Variants in TARBP1 observed in about 807,000 individuals in gnomAD.
TARBP1 encodes the protein tRNA (guanosine(18)-2'-O)-methyltransferase TARBP1.
In TARBP1, 144 loss-of-function variants were observed where a neutral mutation model predicts 178.6. The observed-to-expected ratio is 0.81, with a 90% CI of 0.70 to 0.93. TARBP1 has a LOEUF of 0.93. Among genes scored for constraint, TARBP1 ranks in the 40% least tolerant of loss-of-function variants. TARBP1 has a pLI of 0.00. For synonymous variants in TARBP1, 787 were observed against 781.0 expected (o/e 1.01, Z -0.13); for missense variants, 2,067 against 2,011.7 (o/e 1.03, Z -0.53).
chr1:234,468,905 T>C (rs1040305946), intron 3 of TARBP1, among the ~76,000 whole-genome samples: 3 of 151,766 alleles, frequency 2.0e-5, no homozygotes, highest in Admixed American at 1.3e-4. Context: ...CTTGAGTCCA[T>C]TTCATCAGCC....
Position 234,451,763 on chromosome 1 carries a change from A to AC in TARBP1, c.1723-1198_1723-1197insG, listed in dbSNP as rs1407432640. ...GACTCCGTCTCAAAAAAAAAAAAAAAAAATGATGAATGACTGGATCATCGA... is the reference window on the plus strand; with the variant it reads ...GACTCCGTCTCAAAAAAAAAAAAAAACAAATGATGAATGACTGGATCATCGA... On this transcript the variant is annotated intron_variant, in intron 9 of 29. Coordinates refer to ENST00000040877, the MANE Select transcript of TARBP1 (RefSeq NM_005646.4). Among the ~76,000 whole-genome samples the AC allele has an allele frequency of 5.5e-5, 8 of 145,912 alleles. 4 individuals carry two copies. Among genetic ancestry groups the AC allele is most frequent in the South Asian group, 4.6e-4 (2 of 4,392 alleles).
chr1:234,396,978 G>A (rs1057005503), intron 26 of TARBP1, among the ~76,000 whole-genome samples: 4 of 151,552 alleles, frequency 2.6e-5, no homozygotes, highest in Admixed American at 2.6e-4. Flanking sequence ...TGCAATCTGA[G>A]GGCAGCGTCC....
Position 234,472,765 on chromosome 1 carries a change from T to C in TARBP1, c.978A>G (p.Leu326=), listed in dbSNP as rs375606143. The C allele has an allele frequency of 4.9e-5, 78 of 1,604,670 alleles. No individual in the cohort carries two copies. The South Asian group carries it at 5.2e-4, about 11-fold the overall frequency. ...TTAAAATATAATTTTCCCAAAACTT[T>C]AGAAGCTCATCTTTTTTCCTCTCAG... is the stretch of plus-strand genomic sequence containing the variant. ...WWSERKKDEL[L]KFWENYILIM... Residue 326 remains leucine, a synonymous_variant, in exon 2 of 30, where the codon CTA becomes CTG. Coordinates refer to ENST00000040877, the MANE Select transcript of TARBP1 (RefSeq NM_005646.4).
intron 20 of TARBP1, 127 bp downstream of exon 20, chr1:234,425,546 C>A: frequency 9.6e-7 from 1 of 1,037,924 alleles, no homozygotes; most frequent in Admixed American, 2.7e-5. Context: ...ATTAAAAATA[C>A]AGAACATAAA....
At chr1:234,460,112 T>G (rs936114183) in intron 7 of TARBP1, 149 bp downstream of exon 7, 24 of 877,296 alleles carry the variant, frequency 2.7e-5, no homozygotes, top group Non-Finnish European at 3.5e-5. Context: ...TTTTTTAATT[T>G]TTTTCTTATG....
Position 234,425,807 on chromosome 1 carries a change from A to G in TARBP1, c.3324-14T>C. 3.3e-6 allele frequency: 5 copies of G among 1,505,160 alleles called. No homozygotes were observed. The highest frequency in any genetic ancestry group is 4.5e-6 in the Non-Finnish European group (5 of 1,103,546). 93.2% of individuals were successfully genotyped at this position (1,505,160 alleles called of 1,614,324 possible). A position where few individuals can be genotyped will look rare whatever the true frequency, so the allele number is the denominator to read the frequency against. ...TCTCTCTTAGTACTAAAAAAATTAA[A>G]TGATAAATTATGTTAATACATTTTG... On this transcript the variant is annotated splice_polypyrimidine_tract_variant and intron_variant, in intron 19 of 29. Coordinates refer to ENST00000040877, the MANE Select transcript of TARBP1 (RefSeq NM_005646.4).
chr1:234,463,771 ATT>A (rs1315197664), intron 6 of TARBP1, 64 bp downstream of exon 6: 6 of 915,964 alleles, frequency 6.6e-6, no homozygotes, highest in Non-Finnish European at 9.4e-6. Context: ...CTTATAACCA[ATT>A]TGCTAAAAAA....
intron 14 of TARBP1, among the ~76,000 whole-genome samples, chr1:234,432,070 A>G (rs2103137086): frequency 6.7e-6 from 1 of 149,874 alleles, no homozygotes; most frequent in African/African-American, 2.5e-5. Flanking sequence ...CTGGGGGGCC[A>G]AGGTTGCAGT....
intron 1 of TARBP1, among the ~76,000 whole-genome samples, chr1:234,474,817 A>G (rs1420523954): frequency 1.3e-5 from 2 of 152,222 alleles, no homozygotes; most frequent in Non-Finnish European, 2.9e-5. Context: ...AAACCATAGG[A>G]GATCGTTATT....
At chr1:234,398,358 A>C (rs756857516) in intron 26 of TARBP1, 24 bp downstream of exon 26, 1 of 1,554,840 alleles carries the variant, frequency 6.4e-7, no homozygotes, top group African/African-American at 1.4e-5. Flanking sequence ...AAGGGGAAAA[A>C]ATAAAATGAA....
At chr1:234,395,263 A>G (rs4027040) in intron 26 of TARBP1, among the ~76,000 whole-genome samples, 88,682 of 152,134 alleles carry the variant, frequency 0.58, 26,592 homozygotes, top group African/African-American at 0.72. Context: ...ACAGTTAAAA[A>G]CCATTAAAAA....
chr1:234,466,184 T>A (rs12128662), intron 4 of TARBP1, among the ~76,000 whole-genome samples: 5,812 of 152,230 alleles, frequency 0.038, 151 homozygotes, highest in African/African-American at 0.072. Context: ...ATGATGCATA[T>A]CAATATACCA....
chr1:234,475,174 C>T (rs1214777378), intron 1 of TARBP1, among the ~76,000 whole-genome samples: 48 of 152,272 alleles, frequency 3.2e-4, no homozygotes, highest in Admixed American at 3.1e-3. Context: ...TCTTCAGAGG[C>T]GCAGGCACCC....
intron 12 of TARBP1, among the ~76,000 whole-genome samples, chr1:234,444,681 T>C (rs981341248): frequency 7.0e-6 from 1 of 143,578 alleles, no homozygotes; most frequent in African/African-American, 2.6e-5. Context: ...CCTCACTCTA[T>C]CTCCTCTTTC....
Position 234,446,901 on chromosome 1 carries a change from G to T in TARBP1, c.2036C>A (p.Thr679Asn). The change falls in exon 12 of 30, where the codon ACC becomes AAC. Residue 679 changes from threonine to asparagine, a missense_variant. Transcript: ENST00000040877. Reference protein sequence around the residue: ...PLLDVLMKFSTNAYMPLLKTD... With the variant: ...PLLDVLMKFSNNAYMPLLKTD... ...CTTCAGCAAGGGCATGTAGGCATTG[G>T]TACTAAACTTCATAAGCACATCCAG... The T allele has an allele frequency of 6.2e-7, 1 of 1,613,954 alleles. No individual in the cohort carries two copies.
intron 2 of TARBP1, 121 bp from the exon 3 acceptor site, chr1:234,471,378 C>A (rs953763459): frequency 1.5e-6 from 1 of 658,018 alleles, no homozygotes; most frequent in African/African-American, 1.8e-5. Context: ...GTAGAAAGAG[C>A]CTGATTTATC....
At chr1:234,402,742 CT>C (rs1041018266) in intron 24 of TARBP1, among the ~76,000 whole-genome samples, 1 of 151,696 alleles carries the variant, frequency 6.6e-6, no homozygotes, top group Non-Finnish European at 1.5e-5. Context: ...ACCCCGCTAA[CT>C]TTTTTTTATT....
chr1:234,431,699 TC>T (rs1664445861), intron 14 of TARBP1, among the ~76,000 whole-genome samples: 1 of 152,174 alleles, frequency 6.6e-6, no homozygotes, highest in Non-Finnish European at 1.5e-5. Flanking sequence ...AACTCTATAA[TC>T]CCCATTTTGC....
chr1:234,460,350 C>T lies in TARBP1; in HGVS notation c.1446G>A (p.Trp482Ter). The T allele has an allele frequency of 6.2e-7, 1 of 1,614,152 alleles. No individual in the cohort carries two copies. The highest frequency in any genetic ancestry group is 8.5e-7 in the Non-Finnish European group (1 of 1,180,016). ...ATAGAAACAAAATGGGAACAGCACACCAATGCCTACTTGTCATCTTCCGAA... is the reference window on the plus strand; with the variant it reads ...ATAGAAACAAAATGGGAACAGCACATCAATGCCTACTTGTCATCTTCCGAA... ...KFIRKMTSRH[W>*]CAVPILFLSK... is the part of the protein sequence containing the mutation. The change falls in exon 7 of 30, where the codon TGG becomes TGA. Residue 482 changes from tryptophan (W) to a stop codon, truncating the protein, a stop_gained. Transcript: ENST00000040877. LOFTEE classifies it high-confidence loss of function.
Sources: allele counts gnomAD v4.1 joint callset (sites outside exome capture counted in the v4.1 genomes callset), GRCh38; gene constraint gnomAD v4.1.1; transcripts MANE v1.5; gene names NCBI Gene and HGNC (gene_info 2026-07-23, HGNC 2026-07-21).